TNIK: variants seen among roughly 807,000 people sequenced by gnomAD.
TNIK encodes TRAF2 and NCK-interacting protein kinase.
A neutral mutation model predicts 191.3 loss-of-function variants in TNIK; 49 were observed. That is an observed-to-expected ratio of 0.26 (90% CI 0.20 to 0.32). The LOEUF (loss-of-function observed/expected upper bound fraction) is 0.32, where lower values mean the gene tolerates loss of function less well. Among genes scored for constraint, TNIK ranks in the 10% least tolerant of loss-of-function variants. The pLI is 1.00. For missense variants in TNIK, 1,155 were observed against 1,702.3 expected, an observed-to-expected ratio of 0.68 and a Z score of 5.66; for synonymous variants, 594 against 600.9, an observed-to-expected ratio of 0.99 and a Z score of 0.17.
At chr3:171,099,168 C>CTGAAA (rs1723112535) in intron 22 of TNIK, among the ~76,000 whole-genome samples, 1 of 152,070 alleles carries the variant, frequency 6.6e-6, no homozygotes, top group Non-Finnish European at 1.5e-5. Flanking sequence ...AATCGTCTTG[C>CTGAAA]TGAAATAATC....
chr3:171,235,931 T>C (rs907997903), intron 2 of TNIK, among the ~76,000 whole-genome samples: 6 of 152,120 alleles, frequency 3.9e-5, no homozygotes, highest in African/African-American at 1.2e-4. Flanking sequence ...TGAGGGTGTA[T>C]AGCCCTTAAT....
chr3:171,142,779 C>A (rs757834051), intron 12 of TNIK, among the ~76,000 whole-genome samples: 9 of 152,174 alleles, frequency 5.9e-5, no homozygotes, highest in Non-Finnish European at 8.8e-5. Context: ...TCAGTGCCAG[C>A]ACAGAGAATA....
chr3:171,394,242 C>T (rs1263680209), intron 1 of TNIK, among the ~76,000 whole-genome samples: 5 of 152,172 alleles, frequency 3.3e-5, no homozygotes, highest in Non-Finnish European at 4.4e-5. Flanking sequence ...ATGTCCCAGA[C>T]CAACACTGGC....
At chr3:171,302,624 G>C (rs548011159) in intron 2 of TNIK, among the ~76,000 whole-genome samples, 2 of 152,274 alleles carry the variant, frequency 1.3e-5, no homozygotes, top group East Asian at 3.9e-4. Flanking sequence ...GAATAGTCCA[G>C]AGCATAGGCC....
rs766498176 is a variant in TNIK at position 171,063,092 on chromosome 3, C to A, written c.*789G>T. On this transcript the variant is annotated 3_prime_UTR_variant, in exon 33 of 33. Coordinates refer to ENST00000436636, the MANE Select transcript of TNIK (RefSeq NM_015028.4). ...TCCCTCCATCGCTAGGCCAGCTCAA[C>A]TCAATGGCGTTAGTATCCTGTTCAA... 3.3e-5 allele frequency: 5 copies of A among 152,170 alleles called. No homozygotes were observed. Among genetic ancestry groups the A allele is most frequent in the Non-Finnish European group, 5.9e-5 (4 of 68,042 alleles). The allele number at this position is 152,170 out of a possible 1,614,324, so 9.4% of individuals were successfully genotyped here.
rs1577542531 is a variant in TNIK, at chr3:171,340,378, T to C, written c.123+29242A>G. ...AGATATGACAATCCCTTGACAATAC[T>C]TAGCCCAAACATCTCAGCCATTGAG... On this transcript the variant is annotated intron_variant, in intron 2 of 32. Transcript: ENST00000436636. 3.9e-5 allele frequency among the ~76,000 whole-genome samples: 6 copies of C among 152,336 alleles called. No homozygotes were observed. In the South Asian group the frequency reaches 1.0e-3, roughly 26 times the overall value.
chr3:171,334,933 C>G (rs1466367278), intron 2 of TNIK, among the ~76,000 whole-genome samples: 1 of 145,302 alleles, frequency 6.9e-6, no homozygotes, highest in African/African-American at 2.5e-5. Context: ...ATCTATTATT[C>G]TACTAGCGCT....
chr3:171,329,368 A>AT (rs1296297620), intron 2 of TNIK, among the ~76,000 whole-genome samples: 1 of 122 alleles, frequency 8.2e-3, no homozygotes, highest in South Asian at 0.5. Flanking sequence ...TCAAAAATAT[A>AT]TATTTTTAAA....
chr3:171,180,357 C>T (rs1736496445), intron 7 of TNIK, among the ~76,000 whole-genome samples: 1 of 152,098 alleles, frequency 6.6e-6, no homozygotes, highest in Non-Finnish European at 1.5e-5. Flanking sequence ...CATATTTGTC[C>T]CCCACAGAAC....
rs183157767 is a variant in TNIK at position 171,177,220 on chromosome 3, A to T, written c.694+106T>A. 45 of 1,146,920 alleles carry T rather than the reference A, an allele frequency of 3.9e-5. No homozygotes were observed. In the East Asian group the frequency reaches 1.1e-3, roughly 28 times the overall value. 71.0% of individuals were successfully genotyped at this position (1,146,920 alleles called of 1,614,324 possible). A position where few individuals can be genotyped will look rare whatever the true frequency, so the allele number is the denominator to read the frequency against. ...TAAATATGCCAGCTTGAATCCATGC[A>T]GGGCTCGGTGTAGTGGAAGTAAAGC... On this transcript the variant is annotated intron_variant, in intron 8 of 32. Transcript: ENST00000436636.
chr3:171,222,481 CATTATT>C (rs954735556), intron 3 of TNIK, among the ~76,000 whole-genome samples: 11 of 152,212 alleles, frequency 7.2e-5, no homozygotes, highest in South Asian at 4.2e-4. Context: ...TGCCTATCGT[CATTATT>C]ATTATTAACA....
intron 2 of TNIK, among the ~76,000 whole-genome samples, chr3:171,272,939 T>C (rs905302855): frequency 6.6e-6 from 1 of 152,232 alleles, no homozygotes; most frequent in African/African-American, 2.4e-5. Flanking sequence ...TGCATTTGAA[T>C]AAATAGATAT....
intron 12 of TNIK, among the ~76,000 whole-genome samples, chr3:171,143,216 G>A (rs961841707): frequency 1.3e-5 from 2 of 152,192 alleles, no homozygotes; most frequent in African/African-American, 4.8e-5. Flanking sequence ...AACCTTCTGA[G>A]GGCACCCTGC....
At chr3:171,227,796 G>A (rs997937663) in intron 3 of TNIK, among the ~76,000 whole-genome samples, 2 of 152,080 alleles carry the variant, frequency 1.3e-5, no homozygotes, top group Non-Finnish European at 1.5e-5. Flanking sequence ...TTCAACTTAC[G>A]ATTTTTTTTG....
At chr3:171,314,435 C>A (rs1012793086) in intron 2 of TNIK, among the ~76,000 whole-genome samples, 1 of 152,126 alleles carries the variant, frequency 6.6e-6, no homozygotes, top group Non-Finnish European at 1.5e-5. Flanking sequence ...TATGGCTGAT[C>A]CAGAGGTTCT....
At chr3:171,235,438 T>C (rs1225509387) in intron 2 of TNIK, among the ~76,000 whole-genome samples, 3 of 152,088 alleles carry the variant, frequency 2.0e-5, no homozygotes, top group Non-Finnish European at 2.9e-5. Context: ...TGCAGCCAAC[T>C]CTTCAGCCTC....
intron 1 of TNIK, among the ~76,000 whole-genome samples, chr3:171,413,744 T>C (rs1442192081): frequency 1.3e-5 from 2 of 152,200 alleles, no homozygotes; most frequent in Non-Finnish European, 2.9e-5. Context: ...TATATGCAAC[T>C]TGAGAGAGCA....
At chr3:171,448,185 A>T (rs1727736122) in intron 1 of TNIK, among the ~76,000 whole-genome samples, 1 of 152,074 alleles carries the variant, frequency 6.6e-6, no homozygotes, top group Non-Finnish European at 1.5e-5. Flanking sequence ...TTTAATTCAC[A>T]TTCCATAAGA....
At chr3:171,357,067 C>A (rs1025809900) in intron 2 of TNIK, among the ~76,000 whole-genome samples, 4 of 152,060 alleles carry the variant, frequency 2.6e-5, no homozygotes, top group African/African-American at 9.7e-5. Flanking sequence ...AATCATAAAG[C>A]CAGTTTTAAA....
Sources: gnomAD v4.1 joint callset for allele counts (sites outside exome capture counted in the v4.1 genomes callset) on GRCh38, gnomAD v4.1.1 for gene constraint, MANE v1.5 for transcripts, NCBI Gene and HGNC (gene_info 2026-07-23, HGNC 2026-07-21) for gene names.